PTPRO: variants seen among roughly 807,000 people sequenced by gnomAD.
PTPRO encodes protein tyrosine phosphatase receptor type O, also known as receptor-type tyrosine-protein phosphatase O.
Under a neutral mutation model 145.2 loss-of-function variants are expected in PTPRO, and 62 were observed. That is an observed-to-expected ratio of 0.43 (90% CI 0.35 to 0.53). The LOEUF is 0.53. Ranked by LOEUF, PTPRO falls within the 20% of genes least tolerant of loss-of-function variation. PTPRO has a pLI of 0.01. For missense variants in PTPRO, 1,345 were observed against 1,482.7 expected, an observed-to-expected ratio of 0.91 and a Z score of 1.53; for synonymous variants, 565 against 514.7, an observed-to-expected ratio of 1.10 and a Z score of -1.32.
At chr12:15,359,120 A>T (rs868026302) in intron 1 of PTPRO, among the ~76,000 whole-genome samples, 1 of 152,242 alleles carries the variant, frequency 6.6e-6, no homozygotes, top group South Asian at 2.1e-4. Flanking sequence ...GTGACATTCA[A>T]GATCACCTTG....
At chr12:15,456,928 T>G (rs1427528229) in intron 1 of PTPRO, among the ~76,000 whole-genome samples, 1 of 152,148 alleles carries the variant, frequency 6.6e-6, no homozygotes, top group African/African-American at 2.4e-5. Flanking sequence ...TTTATTAAAT[T>G]TTAAATTATT....
chr12:15,333,136 A>G (rs1391812705), intron 1 of PTPRO, among the ~76,000 whole-genome samples: 1 of 152,178 alleles, frequency 6.6e-6, no homozygotes, highest in Non-Finnish European at 1.5e-5. Flanking sequence ...TGGGAATGCT[A>G]GTGTGAGAAA....
intron 19 of PTPRO, among the ~76,000 whole-genome samples, chr12:15,574,942 T>C (rs2135627100): frequency 6.6e-6 from 1 of 152,260 alleles, no homozygotes; most frequent in East Asian, 1.9e-4. Flanking sequence ...ATATTGCAGG[T>C]TATGGGCTGA....
chr12:15,508,446 A>G, intron 6 of PTPRO, 125 bp from the exon 7 acceptor site: 3 of 1,031,334 alleles, frequency 2.9e-6, no homozygotes, highest in Non-Finnish European at 4.4e-6. Flanking sequence ...TGCCAGTCCG[A>G]CCGCCAATCT....
intron 12 of PTPRO, among the ~76,000 whole-genome samples, chr12:15,541,465 G>T (rs1203290497): frequency 1.3e-5 from 2 of 152,178 alleles, no homozygotes; most frequent in African/African-American, 4.8e-5. Context: ...AAATACCACA[G>T]ACTGGGTGGC....
chr12:15,473,775 A>G (rs1212965671), intron 1 of PTPRO, among the ~76,000 whole-genome samples: 3 of 151,550 alleles, frequency 2.0e-5, no homozygotes, highest in East Asian at 3.9e-4. Flanking sequence ...TCTCAAAAAA[A>G]AAAAAAAAAA....
intron 1 of PTPRO, among the ~76,000 whole-genome samples, chr12:15,379,245 T>C (rs1248825163): frequency 6.6e-6 from 1 of 151,688 alleles, no homozygotes; most frequent in Non-Finnish European, 1.5e-5. Flanking sequence ...GAGGACCAGG[T>C]GCGCTGGCTC....
intron 1 of PTPRO, among the ~76,000 whole-genome samples, chr12:15,455,148 T>A (rs1417931646): frequency 1.3e-5 from 2 of 152,166 alleles, no homozygotes; most frequent in Non-Finnish European, 2.9e-5. Context: ...AGATAATATT[T>A]GCACATCCTG....
At chr12:15,557,604 G>A (rs1237417721) in intron 16 of PTPRO, 81 bp downstream of exon 16, 5 of 1,272,800 alleles carry the variant, frequency 3.9e-6, no homozygotes, top group African/African-American at 1.5e-5. Flanking sequence ...TATCCTTTGG[G>A]GATAGTTTTG....
At position 15,583,479 on chromosome 12, in the gene PTPRO, C is replaced by CCA. The variant is rs199602074; in HGVS notation, c.3255+1697_3255+1698dup. ...GGGCAACAAGAGCAAGACTCTATCT[C>CCA]CACACACACACACACACACAAAAAA... On this transcript the variant is annotated intron_variant, in intron 23 of 26. Coordinates refer to ENST00000281171, the MANE Select transcript of PTPRO (RefSeq NM_030667.3). Among the ~76,000 whole-genome samples the CCA allele has an allele frequency of 1.7e-3, 253 of 150,592 alleles. 3 individuals carry two copies. In the East Asian group the frequency reaches 0.036, roughly 22 times the overall value.
At chr12:15,590,495 G>A (rs1233279798) in intron 25 of PTPRO, among the ~76,000 whole-genome samples, 2 of 151,978 alleles carry the variant, frequency 1.3e-5, no homozygotes, top group Non-Finnish European at 2.9e-5. Flanking sequence ...AAAATGCTTT[G>A]GTCTTCCTCA....
chr12:15,404,819 G>C, intron 1 of PTPRO, among the ~76,000 whole-genome samples: 1 of 152,186 alleles, frequency 6.6e-6, no homozygotes, highest in East Asian at 1.9e-4. Flanking sequence ...AGTTGTCTTA[G>C]TCAATTTGAG....
chr12:15,509,174 A>C (rs1010273692), intron 7 of PTPRO, among the ~76,000 whole-genome samples: 1 of 152,214 alleles, frequency 6.6e-6, no homozygotes, highest in African/African-American at 2.4e-5. Context: ...ATGAGAGTCC[A>C]GAGGAGTTCA....
At position 15,501,802 on chromosome 12, in the gene PTPRO, G is replaced by A. The variant is rs559417288; in HGVS notation, c.844G>A (p.Gly282Ser). 61 of 1,614,060 alleles carry A rather than the reference G, an allele frequency of 3.8e-5. No homozygotes were observed. Among genetic ancestry groups the A allele is most frequent in the South Asian group, 3.2e-4 (29 of 91,074 alleles). ...AATTCCCTCGGGCAACATTTCTTCC[G>A]GTTGGCCTGATTTTAATAGCAGTGA... ...PEIPSGNISS[G>S]WPDFNSSDYE... Residue 282 changes from glycine (G) to serine (S), a missense_variant, in exon 5 of 27, where the codon GGT becomes AGT. Physicochemically the swap from Gly to Ser is moderately conservative, Grantham distance 56 (BLOSUM62 0). This residue lies in a region of PTPRO where 1,130 missense variants were observed against 1,214.7 expected (regional missense o/e 0.93). Transcript: ENST00000281171.
intron 1 of PTPRO, among the ~76,000 whole-genome samples, chr12:15,437,119 A>T (rs1401601778): frequency 6.6e-6 from 1 of 151,486 alleles, no homozygotes; most frequent in Non-Finnish European, 1.5e-5. Context: ...GGTGGTACAG[A>T]GAGGGTCTCT....
At chr12:15,358,198 A>T (rs1450630359) in intron 1 of PTPRO, among the ~76,000 whole-genome samples, 1 of 134,490 alleles carries the variant, frequency 7.4e-6, no homozygotes, top group Non-Finnish European at 1.5e-5. Context: ...ACACATGGAC[A>T]CAGGAAGGAG....
At chr12:15,448,828 A>G (rs987397742) in intron 1 of PTPRO, among the ~76,000 whole-genome samples, 54 of 152,288 alleles carry the variant, frequency 3.5e-4, no homozygotes, top group African/African-American at 1.3e-3. Flanking sequence ...ATGTATATAT[A>G]CAATGGAACA....
intron 7 of PTPRO, among the ~76,000 whole-genome samples, chr12:15,513,157 A>AAGAAAG (rs1555171506): frequency 3.2e-4 from 10 of 30,816 alleles, no homozygotes; most frequent in South Asian, 1.3e-3. Flanking sequence ...GAAAGAAAGA[A>AAGAAAG]AAAGAAAGAA....
intron 9 of PTPRO, among the ~76,000 whole-genome samples, chr12:15,517,368 C>T (rs1038269421): frequency 6.6e-6 from 1 of 152,170 alleles, no homozygotes; most frequent in African/African-American, 2.4e-5. Flanking sequence ...CAGGGTCCCT[C>T]GCACAACACT....
Sources: gnomAD v4.1 joint callset for allele counts (sites outside exome capture counted in the v4.1 genomes callset) on GRCh38, gnomAD v4.1.1 for gene constraint, gnomAD v4.1.1 regional missense constraint, MANE v1.5 for transcripts, NCBI Gene and HGNC (gene_info 2026-07-23, HGNC 2026-07-21) for gene names.